The following BOC variants were observed in gnomAD, a reference collection of about 807,000 sequenced individuals.
The protein encoded by BOC is BOC cell adhesion associated, oncogene regulated.
BOC carries 76 observed loss-of-function variants against 112.0 expected under a neutral mutation model. The observed-to-expected ratio is 0.68, with a 90% confidence interval of 0.56 to 0.82. The LOEUF (loss-of-function observed/expected upper bound fraction) is 0.82. Among genes scored for constraint, BOC ranks in the 40% least tolerant of loss-of-function variants. The pLI is 0.00. For missense variants in BOC, 1,309 were observed against 1,511.7 expected, an observed-to-expected ratio of 0.87 and a Z score of 2.22; for synonymous variants, 580 against 599.8, an observed-to-expected ratio of 0.97 and a Z score of 0.48.
intron 15 of BOC, among the ~76,000 whole-genome samples, chr3:113,282,968 G>A (rs1244378048): frequency 6.6e-6 from 1 of 152,174 alleles, no homozygotes; most frequent in Non-Finnish European, 1.5e-5. Context: ...CCCCTGCTGT[G>A]ATCCATGCTA....
chr3:113,224,640 G>A (rs1375646074), intron 2 of BOC, among the ~76,000 whole-genome samples: 1 of 152,130 alleles, frequency 6.6e-6, no homozygotes, highest in Admixed American at 6.5e-5. Flanking sequence ...AGGTAGACAG[G>A]GTTCCAACCC....
At chr3:113,260,498 C>G (rs892987776) in intron 4 of BOC, among the ~76,000 whole-genome samples, 3 of 152,158 alleles carry the variant, frequency 2.0e-5, no homozygotes, top group Non-Finnish European at 4.4e-5. Context: ...TGACCTAACA[C>G]AGGGGTCCCC....
chr3:113,286,232 T>G (rs1425450713), intron 19 of BOC, among the ~76,000 whole-genome samples: 1 of 152,168 alleles, frequency 6.6e-6, no homozygotes, highest in Non-Finnish European at 1.5e-5. Flanking sequence ...GGAGATTAAA[T>G]TTAAAAGATG....
At chr3:113,282,811 C>T (rs895579049) in intron 15 of BOC, among the ~76,000 whole-genome samples, 3 of 151,924 alleles carry the variant, frequency 2.0e-5, no homozygotes, top group Admixed American at 6.6e-5. Context: ...GTCCGAAAGC[C>T]GGGGGAGAAG....
intron 4 of BOC, among the ~76,000 whole-genome samples, chr3:113,262,291 A>T (rs1023656875): frequency 6.6e-6 from 1 of 152,224 alleles, no homozygotes; most frequent in Non-Finnish European, 1.5e-5. Context: ...GGTGGTGAGG[A>T]CTACGCTGGA....
Position 113,285,490 on chromosome 3 carries a change from G to A in BOC, c.3085G>A (p.Val1029Met), listed in dbSNP as rs1949592395. Residue 1029 changes from valine to methionine, a missense_variant, in exon 19 of 20, where the codon GTG becomes ATG. By Grantham distance (21) the Val-to-Met change is conservative. Transcript: ENST00000682979. ...CCAACGCCAGGAGCAGCCTGCTGCTGTGGGCCAGTCAGGGGTGAGGAGAGC... is the reference window on the plus strand; with the variant it reads ...CCAACGCCAGGAGCAGCCTGCTGCTATGGGCCAGTCAGGGGTGAGGAGAGC... ...CCQRQEQPAA[V>M]GQSGVRRAPD... 1 of 1,614,060 alleles carries A rather than the reference G, an allele frequency of 6.2e-7. No individual in the cohort carries two copies. Among genetic ancestry groups the A allele is most frequent in the African/African-American group, 1.3e-5 (1 of 75,072 alleles).
intron 2 of BOC, among the ~76,000 whole-genome samples, chr3:113,242,933 G>T (rs960383994): frequency 6.6e-6 from 1 of 152,078 alleles, no homozygotes; most frequent in Non-Finnish European, 1.5e-5. Flanking sequence ...ACCTAAAAAA[G>T]GAATAGGAAA....
intron 2 of BOC, among the ~76,000 whole-genome samples, chr3:113,228,857 C>T (rs1160902064): frequency 6.6e-6 from 1 of 152,200 alleles, no homozygotes; most frequent in East Asian, 1.9e-4. Flanking sequence ...CCTCCAAGGC[C>T]CTGACTTTCA....
intron 2 of BOC, among the ~76,000 whole-genome samples, chr3:113,237,505 A>G (rs1038617444): frequency 1.3e-5 from 2 of 152,180 alleles, no homozygotes; most frequent in African/African-American, 4.8e-5. Context: ...CCCAGTGGCT[A>G]TAGGACGCCT....
chr3:113,277,965 A>C, intron 9 of BOC, 130 bp from the exon 10 acceptor site: 21 of 1,241,646 alleles, frequency 1.7e-5, no homozygotes, highest in Non-Finnish European at 2.4e-5. Context: ...TGCCACCCTA[A>C]CCCCAACCTG....
intron 2 of BOC, among the ~76,000 whole-genome samples, chr3:113,245,133 T>A (rs763207675): frequency 2.0e-5 from 3 of 152,222 alleles, no homozygotes; most frequent in South Asian, 2.1e-4. Flanking sequence ...TTAAAAAAAA[T>A]TTTAATTAAA....
In BOC at chr3:113,250,635, G is replaced by C; in HGVS notation, c.178G>C (p.Glu60Gln). The change falls in exon 4 of 20, where the codon GAA becomes CAA. Residue 60 changes from glutamate to glutamine, a missense_variant. Transcript: ENST00000682979. ...GGTVILGCVV[E>Q]PPRMNVTWRL... ...CACTGTGATCTTGGGCTGCGTGGTG[G>C]AACCTCCAAGGATGAATGTAACCTG... The C allele has an allele frequency of 1.2e-6, 2 of 1,614,234 alleles. No homozygotes were observed. Among genetic ancestry groups the C allele is most frequent in the Non-Finnish European group, 1.7e-6 (2 of 1,180,044 alleles).
intron 2 of BOC, among the ~76,000 whole-genome samples, chr3:113,236,860 G>A (rs1943637935): frequency 6.6e-6 from 1 of 152,146 alleles, no homozygotes; most frequent in Non-Finnish European, 1.5e-5. Context: ...CCGAATTACT[G>A]CATGATTGGT....
intron 9 of BOC, among the ~76,000 whole-genome samples, chr3:113,276,071 C>G (rs1948637335): frequency 6.6e-6 from 1 of 152,230 alleles, no homozygotes; most frequent in Admixed American, 6.5e-5. Context: ...TGTTGTAGGG[C>G]AGGGCTGGTC....
chr3:113,283,498 C>G lies in BOC; in HGVS notation c.2522C>G (p.Pro841Arg), dbSNP rs138348732. The change falls in exon 16 of 20, where the codon CCG becomes CGG. Residue 841 changes from proline (P) to arginine (R), a missense_variant. By Grantham distance (103) the Pro-to-Arg change is moderately radical (BLOSUM62 -2). Transcript: ENST00000682979. ...QPPLPETIERPVGTGAMVARS... is the reference protein window; with the variant it reads ...QPPLPETIERRVGTGAMVARS... ...CCCCTTCCTGAAACCATAGAGCGGC[C>G]GGTGGGCACTGGGGCCATGGTGGCT... The G allele has an allele frequency of 1.0e-3, 1,663 of 1,614,058 alleles. 2 individuals carry two copies. The highest frequency in any genetic ancestry group is 1.3e-3 in the Non-Finnish European group (1,544 of 1,180,018).
At position 113,270,905 on chromosome 3, in the gene BOC, G is replaced by A. The variant is rs760973966; in HGVS notation, c.628G>A (p.Val210Met). The change falls in exon 6 of 20, where the codon GTG (valine) becomes ATG (methionine). Residue 210 changes from valine to methionine, a missense_variant. Coordinates refer to ENST00000682979, the MANE Select transcript of BOC (RefSeq NM_001378074.1). ...AGCCTACAACCCAGTGACCCAGGAA[G>A]TGAAAACCTCCGGCTCCAGCGACAG... ...CAAYNPVTQE[V>M]KTSGSSDRLR... 1.4e-5 allele frequency: 23 copies of A among 1,614,132 alleles called. No individual in the cohort carries two copies. The highest frequency in any genetic ancestry group is 1.9e-5 in the Non-Finnish European group (22 of 1,180,058).
rs557644966 is a variant in BOC at position 113,229,400 on chromosome 3, A to G, written c.-82+13126A>G. Among the ~76,000 whole-genome samples the G allele has an allele frequency of 1.3e-3, 196 of 152,210 alleles. 1 individual carries two copies. The highest frequency in any genetic ancestry group is 9.4e-4 in the Non-Finnish European group (64 of 68,000). The stretch of plus-strand genomic sequence containing the variant: ...GCTTAAATTTGCGCATGCTTGGAAA[A>G]CATCCCACCTCTGCTAGCATCTACC... On this transcript the variant is annotated intron_variant, in intron 2 of 19. Coordinates refer to ENST00000682979, the MANE Select transcript of BOC (RefSeq NM_001378074.1).
intron 18 of BOC, 128 bp from the exon 19 acceptor site, chr3:113,285,244 C>T: frequency 5.0e-6 from 4 of 793,520 alleles, no homozygotes; most frequent in Non-Finnish European, 8.4e-6. Flanking sequence ...AAGGGGAGAG[C>T]AGTCCTTGCC....
intron 9 of BOC, 148 bp from the exon 10 acceptor site, chr3:113,277,947 C>T (rs973327539): frequency 5.4e-5 from 55 of 1,015,660 alleles, no homozygotes; most frequent in South Asian, 7.6e-5. Flanking sequence ...GGGGCCAGTC[C>T]GAGGCTGTGC....
Sources: allele counts gnomAD v4.1 joint callset (sites outside exome capture counted in the v4.1 genomes callset), GRCh38; gene constraint gnomAD v4.1.1; transcripts MANE v1.5; gene names NCBI Gene and HGNC (gene_info 2026-07-23, HGNC 2026-07-21).